IRAK1BP1: variants seen among roughly 807,000 people sequenced by gnomAD.
IRAK1BP1 encodes interleukin-1 receptor-associated kinase 1-binding protein 1.
In IRAK1BP1, 24 loss-of-function variants were observed where a neutral mutation model predicts 28.0. The ratio of observed to expected loss-of-function variants is 0.86; its 90% CI spans 0.62 to 1.20. IRAK1BP1 has a LOEUF of 1.20. IRAK1BP1 is among the 50% of genes most tolerant of loss of function. The probability of loss-of-function intolerance (pLI) is 0.00; values close to 1 mark genes in which losing one functional copy is unlikely to be tolerated. For synonymous variants in IRAK1BP1, 131 were observed against 116.3 expected (o/e 1.13, Z -0.81); for missense variants, 336 against 316.7 (o/e 1.06, Z -0.46).
At chr6:78,913,365 G>A (rs142103992) in intron 4 of IRAK1BP1, among the ~76,000 whole-genome samples, 2 of 152,168 alleles carry the variant, frequency 1.3e-5, no homozygotes, top group African/African-American at 2.4e-5. Flanking sequence ...CATTACTGGG[G>A]CCGGGCGCAG....
At chr6:78,895,901 A>T (rs1391025071) in intron 2 of IRAK1BP1, among the ~76,000 whole-genome samples, 1 of 152,222 alleles carries the variant, frequency 6.6e-6, no homozygotes, top group Non-Finnish European at 1.5e-5. Context: ...CCAGAGTGGA[A>T]AGGAAGAAGT....
At chr6:78,907,011 C>T (rs902023176), downstream of IRAK1BP1, among the ~76,000 whole-genome samples, 7 of 151,910 alleles carry the variant, frequency 4.6e-5, no homozygotes, top group African/African-American at 7.3e-5. Context: ...TGTCATACCC[C>T]GGAGAGATGA....
chr6:78,946,589 T>C, downstream of IRAK1BP1: 1 of 1,420,210 alleles, frequency 7.0e-7, no homozygotes, highest in Non-Finnish European at 9.1e-7. Context: ...CATAGGAACT[T>C]GCATGTCAAA....
Position 78,897,928 on chromosome 6 carries a change from T to C in IRAK1BP1, c.481T>C (p.Tyr161His). Residue 161 changes from tyrosine (Y) to histidine (H), a missense_variant, in exon 3 of 4, where the codon TAT becomes CAT. Coordinates refer to ENST00000369940, the MANE Select transcript of IRAK1BP1 (RefSeq NM_001010844.4). ...TGTTGTCATCAGCCCACCCCAGTTC[T>C]ATCATACTCCAGGTTCTGTTGAGAA... ...SSVVISPPQFYHTPGSVENLR... is the reference protein window; with the variant it reads ...SSVVISPPQFHHTPGSVENLR... 1 of 1,614,102 alleles carries C rather than the reference T, an allele frequency of 6.2e-7. No homozygotes were observed. Among genetic ancestry groups the C allele is most frequent in the East Asian group, 2.2e-5 (1 of 44,870 alleles).
Position 78,927,322 on chromosome 6 carries a change from G to A in IRAK1BP1, c.*68-18086G>A, listed in dbSNP as rs978089572. ...AGTGATATTGAGCACCTTTTCATAT[G>A]CCTTTTTGCCATTTGTATGTCTTCT... On this transcript the variant is annotated intron_variant and NMD_transcript_variant, in intron 4 of 4. Coordinates refer to the IRAK1BP1 transcript ENST00000606868. 6.6e-5 allele frequency among the ~76,000 whole-genome samples: 10 copies of A among 152,116 alleles called. No individual in the cohort carries two copies. The East Asian group carries it at 1.9e-3, about 29-fold the overall frequency.
the IRAK1BP1 span, chr6:78,956,829 T>C: frequency 6.6e-6 from 1 of 151,768 alleles, no homozygotes; most frequent in East Asian, 1.9e-4. Flanking sequence ...TCTAAACTTT[T>C]ATACAATTCT....
At chr6:78,955,479 TTG>T in the IRAK1BP1 span, 2 of 552,994 alleles carry the variant, frequency 3.6e-6, no homozygotes, top group South Asian at 3.1e-5. Context: ...CTACTGCCAG[TTG>T]TTTTTTTTTT....
the IRAK1BP1 span, among the ~76,000 whole-genome samples, chr6:78,959,374 A>G: frequency 6.6e-6 from 1 of 152,162 alleles, no homozygotes; most frequent in South Asian, 2.1e-4. Context: ...TGCATTTCAA[A>G]TAGATTCACA....
chr6:78,878,828 C>A (rs968622352), intron 1 of IRAK1BP1, among the ~76,000 whole-genome samples: 72 of 152,172 alleles, frequency 4.7e-4, no homozygotes, highest in Non-Finnish European at 9.6e-4. Flanking sequence ...AGCTGAAAAC[C>A]ATGGCACAAG....
At chr6:78,971,618 G>A in the IRAK1BP1 span, among the ~76,000 whole-genome samples, 2 of 152,092 alleles carry the variant, frequency 1.3e-5, no homozygotes, top group Non-Finnish European at 1.5e-5. Flanking sequence ...CTGAGGTAAC[G>A]GGTTCATCTC....
chr6:78,955,405 T>C, the IRAK1BP1 span: 25 of 689,150 alleles, frequency 3.6e-5, no homozygotes, highest in African/African-American at 3.9e-4. Flanking sequence ...GCTGGGGCAC[T>C]TTATTGACTC....
rs1181985748 is a variant in IRAK1BP1 at position 78,901,257 on chromosome 6, C to CA, written c.*2930dup. ...TTAAAGATGTTGTCTCCAAAAAAAA[C>CA]AAAAAAATCCTGTAAAGTATACAAT... is the stretch of plus-strand genomic sequence containing the variant. On this transcript the variant is annotated 3_prime_UTR_variant, in exon 4 of 4. Coordinates refer to ENST00000369940, the MANE Select transcript of IRAK1BP1 (RefSeq NM_001010844.4). The CA allele has an allele frequency of 1.3e-5, 2 of 150,356 alleles. No homozygotes were observed. Among genetic ancestry groups the CA allele is most frequent in the Non-Finnish European group, 3.0e-5 (2 of 67,560 alleles). The allele number at this position is 150,356 out of a possible 1,614,324, so 9.3% of individuals were successfully genotyped here.
intron 2 of IRAK1BP1, among the ~76,000 whole-genome samples, chr6:78,888,260 A>C (rs1183731967): frequency 6.6e-6 from 1 of 152,180 alleles, no homozygotes; most frequent in Non-Finnish European, 1.5e-5. Flanking sequence ...TGAATTCTAG[A>C]TATGGGCTAT....
At chr6:78,978,732 A>T in the IRAK1BP1 span, 1 of 1,572,704 alleles carries the variant, frequency 6.4e-7, no homozygotes, top group Non-Finnish European at 8.7e-7. Context: ...TTAAGTAATA[A>T]TTGTTAAGTA....
the IRAK1BP1 span, chr6:78,970,089 G>A: frequency 6.2e-7 from 1 of 1,613,510 alleles, no homozygotes; most frequent in Non-Finnish European, 8.5e-7. Flanking sequence ...CCAGTATCAG[G>A]ATCTAGAAAA....
At chr6:78,916,120 A>T (rs184499081) in intron 4 of IRAK1BP1, among the ~76,000 whole-genome samples, 174 of 152,284 alleles carry the variant, frequency 1.1e-3, no homozygotes, top group Non-Finnish European at 1.9e-3. Flanking sequence ...AGAGGTTTCC[A>T]TTGGTTATTT....
intron 4 of IRAK1BP1, among the ~76,000 whole-genome samples, chr6:78,922,182 A>G (rs1772753743): frequency 6.6e-6 from 1 of 152,206 alleles, no homozygotes; most frequent in African/African-American, 2.4e-5. Context: ...TTGAAAAAAG[A>G]TTAGATGAAT....
chr6:78,971,375 T>G, the IRAK1BP1 span, among the ~76,000 whole-genome samples: 1 of 152,250 alleles, frequency 6.6e-6, no homozygotes, highest in Non-Finnish European at 1.5e-5. Context: ...TCCTGACTAC[T>G]GTCTTGGAGA....
chr6:78,970,756 A>C, the IRAK1BP1 span: 1 of 1,408,330 alleles, frequency 7.1e-7, no homozygotes, highest in Non-Finnish European at 9.9e-7. Flanking sequence ...TTTTGGGGCT[A>C]TTAAATAATA....
Sources: gnomAD v4.1 joint callset for allele counts (sites outside exome capture counted in the v4.1 genomes callset) on GRCh38, gnomAD v4.1.1 for gene constraint, MANE v1.5 for transcripts, NCBI Gene and HGNC (gene_info 2026-07-23, HGNC 2026-07-21) for gene names.